Variants in FIBCD1 observed in about 807,000 individuals in gnomAD.
The protein encoded by FIBCD1 is fibrinogen C domain containing 1.
In FIBCD1, 47 loss-of-function variants were observed where a neutral mutation model predicts 45.1. That is an observed-to-expected ratio of 1.04 (90% CI 0.82 to 1.33). The LOEUF is 1.33. FIBCD1 is among the 40% of genes most tolerant of loss of function. The pLI is 0.00. For missense variants in FIBCD1, 653 were observed against 682.2 expected, an observed-to-expected ratio of 0.96 and a Z score of 0.48; for synonymous variants, 313 against 308.1, an observed-to-expected ratio of 1.02 and a Z score of -0.17.
At chr9:130,919,209 C>T (rs1249876694) in intron 4 of FIBCD1, among the ~76,000 whole-genome samples, 1 of 152,236 alleles carries the variant, frequency 6.6e-6, no homozygotes, top group African/African-American at 2.4e-5. Flanking sequence ...CCCACGGAGG[C>T]ACGCTTTCTT....
At chr9:130,931,278 G>A (rs1002446107) in intron 1 of FIBCD1, among the ~76,000 whole-genome samples, 4 of 152,340 alleles carry the variant, frequency 2.6e-5, no homozygotes, top group African/African-American at 9.6e-5. Flanking sequence ...GGGAGGCCGA[G>A]GCGGGCAGAT....
chr9:130,917,636 A>G (rs1333758814), intron 4 of FIBCD1, among the ~76,000 whole-genome samples: 1 of 152,194 alleles, frequency 6.6e-6, no homozygotes, highest in African/African-American at 2.4e-5. Flanking sequence ...CTGACCAACC[A>G]GCTGCTGCTT....
In FIBCD1 at chr9:130,926,203, T is replaced by C. The variant is rs1832356788; in HGVS notation, c.553-1807A>G. ...CAAACATCACTTGGTTAAGTCACAC[T>C]GGTACTGCCCATTTATCTGAGTCAA... On this transcript the variant is annotated intron_variant, in intron 2 of 6. Transcript: ENST00000372338. This position sits in a 1 kb window ranked among gnomAD's most constrained non-coding sequence, Gnocchi z 4.1. 6.6e-6 allele frequency among the ~76,000 whole-genome samples: 1 copy of C among 152,220 alleles called. No individual in the cohort carries two copies. The highest frequency in any genetic ancestry group is 1.5e-5 in the Non-Finnish European group (1 of 68,034).
In FIBCD1 at chr9:130,911,887, A is replaced by G; in HGVS notation, c.851T>C (p.Val284Ala). The G allele has an allele frequency of 6.4e-7, 1 of 1,572,678 alleles. No individual in the cohort carries two copies. The highest frequency in any genetic ancestry group is 8.6e-7 in the Non-Finnish European group (1 of 1,160,360). Reference protein sequence around the residue: ...DMRTDGGGWTVFQRREDGSVN... With the variant: ...DMRTDGGGWTAFQRREDGSVN... ...GGAGCCGTCCTCCCGGCGCTGAAAC[A>G]CCTGCAAAGGGAAGATGGGGATGGG... The change falls in exon 5 of 7, where the codon GTG (valine) becomes GCG (alanine). Residue 284 changes from valine to alanine, a missense_variant and splice_region_variant. Physicochemically the swap from Val to Ala is moderately conservative, Grantham distance 64 (BLOSUM62 0). Coordinates refer to ENST00000372338, the MANE Select transcript of FIBCD1 (RefSeq NM_032843.5).
upstream of FIBCD1, among the ~76,000 whole-genome samples, chr9:130,939,622 T>C (rs916919496): frequency 1.5e-4 from 23 of 151,902 alleles, no homozygotes; most frequent in African/African-American, 5.6e-4. Flanking sequence ...GCCGGCGCTG[T>C]GGTCGCGAGT....
In FIBCD1 at chr9:130,912,002, C is replaced by T. The variant is rs796767271; in HGVS notation, c.850-114G>A. On this transcript the variant is annotated intron_variant, in intron 4 of 6. Transcript: ENST00000372338. ...TCACCCTGCTCCCAACCTGCCCTCT[C>T]GGGAGGGCAGGGGCCTGGTTGCCCA... is the stretch of plus-strand genomic sequence containing the variant. 217 of 930,950 alleles carry T rather than the reference C, an allele frequency of 2.3e-4. 2 individuals are homozygous for T. The South Asian group carries it at 3.0e-3, about 13-fold the overall frequency. The allele number at this position is 930,950 out of a possible 1,614,324, so 57.7% of individuals were successfully genotyped here.
At chr9:130,940,370 C>T (rs777137336), upstream of FIBCD1, among the ~76,000 whole-genome samples, 1 of 152,274 alleles carries the variant, frequency 6.6e-6, no homozygotes, top group Non-Finnish European at 1.5e-5. Context: ...GGCCCGATCC[C>T]GGCTTCCCGG....
chr9:130,912,679 C>A (rs1224632495), intron 4 of FIBCD1, among the ~76,000 whole-genome samples: 1 of 150,682 alleles, frequency 6.6e-6, no homozygotes, highest in Non-Finnish European at 1.5e-5. Flanking sequence ...TACACTCCAG[C>A]CTGGGTGATA....
At chr9:130,913,184 C>A (rs1832094683) in intron 4 of FIBCD1, among the ~76,000 whole-genome samples, 1 of 151,666 alleles carries the variant, frequency 6.6e-6, no homozygotes, top group Non-Finnish European at 1.5e-5. Flanking sequence ...GGAGTATTTA[C>A]AGGATCCGCT....
At chr9:130,927,636 G>A (rs925634169) in intron 2 of FIBCD1, among the ~76,000 whole-genome samples, 2 of 152,234 alleles carry the variant, frequency 1.3e-5, no homozygotes, top group Non-Finnish European at 2.9e-5. Context: ...CCGGCTGGGG[G>A]GCTGCAGGGG....
At position 130,938,780 on chromosome 9, in the gene FIBCD1, G is replaced by A; in HGVS notation, c.-173C>T. 5.5e-6 allele frequency: 1 copy of A among 182,288 alleles called. No individual in the cohort carries two copies. The highest frequency in any genetic ancestry group is 1.1e-5 in the Non-Finnish European group (1 of 93,220). 11.3% of individuals were successfully genotyped at this position (182,288 alleles called of 1,614,324 possible). A position where few individuals can be genotyped will look rare whatever the true frequency, so the allele number is the denominator to read the frequency against. On this transcript the variant is annotated 5_prime_UTR_variant, in exon 1 of 7. Coordinates refer to ENST00000372338, the MANE Select transcript of FIBCD1 (RefSeq NM_032843.5). ...GCGGGCGTGTGAGGATGAGCGCGCC[G>A]CTGTGTGCGGGCGGGAGCAGGAGCG...
At chr9:130,911,533 G>A (rs1034559383) in intron 5 of FIBCD1, among the ~76,000 whole-genome samples, 6 of 152,252 alleles carry the variant, frequency 3.9e-5, no homozygotes, top group African/African-American at 1.2e-4. Context: ...GGCAGGAAGT[G>A]GCCTCCAAGG....
chr9:130,929,825 G>A lies in FIBCD1; in HGVS notation c.294C>T (p.Cys98=). 3 of 1,550,176 alleles carry A rather than the reference G, an allele frequency of 1.9e-6. No individual in the cohort carries two copies. Among genetic ancestry groups the A allele is most frequent in the Non-Finnish European group, 2.6e-6 (3 of 1,146,924 alleles). The change falls in exon 2 of 7, where the codon TGC becomes TGT. Residue 98 remains cysteine, a synonymous_variant. Transcript: ENST00000372338. ...SHLSILIDPR[C]PDLTDSFARL... ...GTGCGAAGCTGTCGGTGAGGTCGGGGCAGCGCGGGTCAATGAGGATGCTGA... is the reference window on the plus strand; with the variant it reads ...GTGCGAAGCTGTCGGTGAGGTCGGGACAGCGCGGGTCAATGAGGATGCTGA...
chr9:130,913,517 C>T (rs1400363131), intron 4 of FIBCD1, among the ~76,000 whole-genome samples: 2 of 152,258 alleles, frequency 1.3e-5, no homozygotes, highest in Non-Finnish European at 2.9e-5. Context: ...GGCGTTTGGG[C>T]AGCTCTGACG....
intron 2 of FIBCD1, among the ~76,000 whole-genome samples, chr9:130,929,032 T>G (rs957253789): frequency 6.7e-6 from 1 of 149,604 alleles, no homozygotes; most frequent in Non-Finnish European, 1.5e-5. Flanking sequence ...AGGGTGGAGG[T>G]GGTTTGGGAC....
intron 4 of FIBCD1, among the ~76,000 whole-genome samples, chr9:130,915,087 T>C (rs2133086049): frequency 6.6e-6 from 1 of 152,360 alleles, no homozygotes; most frequent in South Asian, 2.1e-4. Flanking sequence ...GCTAATGTCC[T>C]GACACCATGT....
chr9:130,909,978 C>T (rs1162409723), intron 5 of FIBCD1, among the ~76,000 whole-genome samples: 1 of 152,260 alleles, frequency 6.6e-6, no homozygotes, highest in East Asian at 1.9e-4. Flanking sequence ...ACAGCCCTCC[C>T]TCGCTCTCGG....
At chr9:130,930,186 C>G in intron 1 of FIBCD1, 140 bp from the exon 2 acceptor site, 3 of 1,099,680 alleles carry the variant, frequency 2.7e-6, no homozygotes, top group East Asian at 2.7e-5. Flanking sequence ...TGAGATGAGA[C>G]AGGCACTGAG....
At chr9:130,905,837 ACTC>A (rs1831918548) in intron 5 of FIBCD1, among the ~76,000 whole-genome samples, 1 of 151,648 alleles carries the variant, frequency 6.6e-6, no homozygotes, top group Middle Eastern at 3.4e-3. Flanking sequence ...GCTTGTCCCT[ACTC>A]CTCCTCACTT....
Sources: gnomAD v4.1 joint callset for allele counts (sites outside exome capture counted in the v4.1 genomes callset) on GRCh38, gnomAD v4.1.1 for gene constraint, Gnocchi (gnomAD v3.1) non-coding constraint, MANE v1.5 for transcripts, NCBI Gene and HGNC (gene_info 2026-07-23, HGNC 2026-07-21) for gene names.